The following CDH11 variants were observed in gnomAD, a reference collection of about 807,000 sequenced individuals.
CDH11 encodes cadherin 11.
In CDH11, 11 loss-of-function variants were observed where a neutral mutation model predicts 67.8. The observed-to-expected ratio is 0.16, with a 90% CI of 0.10 to 0.27. The LOEUF (loss-of-function observed/expected upper bound fraction) is 0.27, where lower values mean the gene tolerates loss of function less well. Ranked by LOEUF, CDH11 falls within the 10% of genes least tolerant of loss-of-function variation. The pLI, the probability that CDH11 is intolerant of heterozygous loss-of-function variation, is 1.00. For synonymous variants in CDH11, 419 were observed against 400.0 expected, an observed-to-expected ratio of 1.05 and a Z score of -0.57; for missense variants, 847 against 1,031.2, an observed-to-expected ratio of 0.82 and a Z score of 2.45.
intron 1 of CDH11, among the ~76,000 whole-genome samples, chr16:65,067,948 G>A (rs2074345604): frequency 8.4e-6 from 1 of 119,270 alleles, no homozygotes; most frequent in Admixed American, 8.7e-5. Context: ...TGAACGGAGG[G>A]AGGGAGGAAG....
chr16:64,983,795 C>T (rs1469776355), intron 7 of CDH11, among the ~76,000 whole-genome samples: 2 of 152,144 alleles, frequency 1.3e-5, no homozygotes, highest in African/African-American at 2.4e-5. Context: ...TACAAGATTG[C>T]TGCAACTTCT....
chr16:65,044,371 AT>A, intron 2 of CDH11, among the ~76,000 whole-genome samples: 1 of 152,276 alleles, frequency 6.6e-6, no homozygotes, highest in East Asian at 1.9e-4. Context: ...GAAATGTTTT[AT>A]TTTCTTTTAA....
chr16:65,012,910 A>T (rs558558441), intron 2 of CDH11, among the ~76,000 whole-genome samples: 61 of 152,364 alleles, frequency 4.0e-4, no homozygotes, highest in African/African-American at 1.4e-3. Context: ...GACAAGAAAA[A>T]TAACTCTAGA....
intron 4 of CDH11, among the ~76,000 whole-genome samples, chr16:64,997,336 T>TAAATAAATAAATAAAC (rs1219212188): frequency 6.7e-5 from 8 of 120,052 alleles, no homozygotes; most frequent in African/African-American, 1.7e-4. Context: ...AATAAATAAA[T>TAAATAAATAAATAAAC]AAACAAACCT....
In CDH11 at chr16:64,971,638, A is replaced by G. The variant is rs1157834662; in HGVS notation, c.1583T>C (p.Ile528Thr). 1 of 1,613,696 alleles carries G rather than the reference A, an allele frequency of 6.2e-7. No individual in the cohort carries two copies. The highest frequency in any genetic ancestry group is 8.5e-7 in the Non-Finnish European group (1 of 1,179,880). Residue 528 changes from isoleucine (I) to threonine (T), a missense_variant, in exon 11 of 13, where the codon ATC becomes ACC. By Grantham distance (89) the Ile-to-Thr change is moderately conservative. This residue lies in a region of CDH11 where 612 missense variants were observed against 678.7 expected (regional missense o/e 0.90). Transcript: ENST00000268603. ...AATGATTTCAGGGGGTAGGCTGAAG[A>G]TAAATCTTGGTCCATTGGCCGTGTC... ...KDDTANGPRF[I>T]FSLPPEIIHN...
At chr16:65,024,745 T>G (rs568443484) in intron 2 of CDH11, among the ~76,000 whole-genome samples, 29 of 152,314 alleles carry the variant, frequency 1.9e-4, no homozygotes, top group Admixed American at 1.5e-3. Flanking sequence ...ACTAACTCAT[T>G]GTGTAATGTC....
chr16:64,946,273 G>A lies in CDH11; in HGVS notation c.*1330C>T. ...CAAGAGTCTTACAATAGCCTGGTAAGTTCAACAGAAGAAAAAATAGAATAA... is the reference window on the plus strand; with the variant it reads ...CAAGAGTCTTACAATAGCCTGGTAAATTCAACAGAAGAAAAAATAGAATAA... On this transcript the variant is annotated 3_prime_UTR_variant, in exon 13 of 13. Transcript: ENST00000268603. 9.6e-7 allele frequency: 1 copy of A among 1,046,966 alleles called. No individual in the cohort carries two copies. The highest frequency in any genetic ancestry group is 1.2e-6 in the Non-Finnish European group (1 of 867,686). 64.9% of individuals were successfully genotyped at this position (1,046,966 alleles called of 1,614,324 possible). A position where few individuals can be genotyped will look rare whatever the true frequency, so the allele number is the denominator to read the frequency against.
intron 11 of CDH11, among the ~76,000 whole-genome samples, chr16:64,957,328 G>A (rs1054557350): frequency 2.0e-5 from 3 of 152,202 alleles, no homozygotes; most frequent in South Asian, 4.2e-4. Context: ...TTGGAAAACC[G>A]AGAATGTAGG....
intron 1 of CDH11, among the ~76,000 whole-genome samples, chr16:65,096,402 T>TTG (rs1255249033): frequency 1.6e-5 from 2 of 124,050 alleles, no homozygotes; most frequent in African/African-American, 6.1e-5. Context: ...CATAAATCTT[T>TTG]CGGGGTGTGT....
chr16:65,005,994 C>T (rs1482058849), intron 2 of CDH11, among the ~76,000 whole-genome samples: 1 of 152,230 alleles, frequency 6.6e-6, no homozygotes, highest in African/African-American at 2.4e-5. Flanking sequence ...CTCTCTCCAG[C>T]ACTCTGGTTC....
chr16:65,068,815 T>C (rs1367661897), intron 1 of CDH11, among the ~76,000 whole-genome samples: 2 of 152,196 alleles, frequency 1.3e-5, no homozygotes, highest in Non-Finnish European at 2.9e-5. Flanking sequence ...ATGCCACCCA[T>C]TTTCAGAAAT....
chr16:64,945,842 T>A lies in CDH11; in HGVS notation c.*1761A>T. 9.5e-7 allele frequency: 1 copy of A among 1,052,542 alleles called. No individual in the cohort carries two copies. The highest frequency in any genetic ancestry group is 1.1e-6 in the Non-Finnish European group (1 of 871,352). The allele number at this position is 1,052,542 out of a possible 1,614,324, so 65.2% of individuals were successfully genotyped here. A position where few individuals can be genotyped will look rare whatever the true frequency, so the allele number is the denominator to read the frequency against. On this transcript the variant is annotated 3_prime_UTR_variant, in exon 13 of 13. Coordinates refer to ENST00000268603, the MANE Select transcript of CDH11 (RefSeq NM_001797.4). Reference sequence around the variant, plus strand: ...CTTGAAACAAACTTTCACAATAAAGTCAGAAAAAAACTGTAAAAATTGTCT... The same window carrying A: ...CTTGAAACAAACTTTCACAATAAAGACAGAAAAAAACTGTAAAAATTGTCT...
intron 1 of CDH11, among the ~76,000 whole-genome samples, chr16:65,059,275 C>T (rs1217763574): frequency 6.6e-6 from 1 of 152,154 alleles, no homozygotes; most frequent in Non-Finnish European, 1.5e-5. Context: ...GAGGATGATG[C>T]CCAACGTCTA....
chr16:64,991,850 T>C lies in CDH11; in HGVS notation c.729A>G (p.Gly243=), dbSNP rs1488242849. ...TTGTCCCTGAGAGTCCGCCCATATG[T>C]CCACCCATGTCCTTGGCCTGGATCA... is the stretch of plus-strand genomic sequence containing the variant. The part of the protein sequence containing the change: ...HVVIQAKDMG[G]HMGGLSGTTK... The change falls in exon 6 of 13, where the codon GGA becomes GGG. Residue 243 remains glycine, a synonymous_variant. Coordinates refer to ENST00000268603, the MANE Select transcript of CDH11 (RefSeq NM_001797.4). 6.2e-7 allele frequency: 1 copy of C among 1,613,796 alleles called. No homozygotes were observed. Among genetic ancestry groups the C allele is most frequent in the South Asian group, 1.1e-5 (1 of 91,076 alleles).
chr16:65,069,506 C>A (rs1053268197), intron 1 of CDH11, among the ~76,000 whole-genome samples: 1 of 152,110 alleles, frequency 6.6e-6, no homozygotes, highest in East Asian at 1.9e-4. Context: ...ACATAGACAC[C>A]TGAGCTGGCC....
At chr16:64,998,479 T>C (rs2072831289) in intron 4 of CDH11, 83 bp downstream of exon 4, 1 of 1,306,114 alleles carries the variant, frequency 7.7e-7, no homozygotes. Context: ...CTCTACTTCC[T>C]GATTTGGGAG....
intron 2 of CDH11, among the ~76,000 whole-genome samples, chr16:65,048,753 TTATCTC>T (rs1172692355): frequency 6.6e-6 from 1 of 152,064 alleles, no homozygotes; most frequent in African/African-American, 2.4e-5. Flanking sequence ...CACACATACA[TTATCTC>T]TATACACACA....
intron 1 of CDH11, among the ~76,000 whole-genome samples, chr16:65,065,705 G>C (rs1597151565): frequency 6.6e-6 from 1 of 152,198 alleles, no homozygotes; most frequent in Non-Finnish European, 1.5e-5. Context: ...GAAGGAGATA[G>C]AGGAAGATAC....
chr16:64,996,297 C>T (rs1262900872), intron 4 of CDH11, among the ~76,000 whole-genome samples: 2 of 152,042 alleles, frequency 1.3e-5, no homozygotes, highest in East Asian at 3.9e-4. Flanking sequence ...CCAGATCAGC[C>T]TGGCCAACAT....
Sources: allele counts gnomAD v4.1 joint callset (sites outside exome capture counted in the v4.1 genomes callset), GRCh38; gene constraint gnomAD v4.1.1; regional missense constraint gnomAD v4.1.1; transcripts MANE v1.5; gene names NCBI Gene and HGNC (gene_info 2026-07-23, HGNC 2026-07-21).